TFCP2: variants seen among roughly 807,000 people sequenced by gnomAD.
The protein encoded by TFCP2 is transcription factor CP2.
Under a neutral mutation model 73.4 loss-of-function variants are expected in TFCP2, and 33 were observed. The observed-to-expected ratio is 0.45, with a 90% CI of 0.34 to 0.60. The LOEUF (loss-of-function observed/expected upper bound fraction) is 0.60, where lower values mean the gene tolerates loss of function less well. TFCP2 is among the 20% of genes least tolerant of loss of function. The pLI, the probability that TFCP2 is intolerant of heterozygous loss-of-function variation, is 0.01. For synonymous variants in TFCP2, 193 were observed against 211.6 expected (o/e 0.91, Z 0.76); for missense variants, 352 against 604.0 (o/e 0.58, Z 4.37).
chr12:51,120,241 C>T (rs1160739459), intron 1 of TFCP2, among the ~76,000 whole-genome samples: 2 of 144,472 alleles, frequency 1.4e-5, no homozygotes, highest in African/African-American at 2.6e-5. Context: ...CTGGAAAGAA[C>T]CTAAATGTTC....
chr12:51,159,343 T>A (rs1941603613), intron 1 of TFCP2, among the ~76,000 whole-genome samples: 1 of 150,034 alleles, frequency 6.7e-6, no homozygotes, highest in Admixed American at 6.6e-5. Flanking sequence ...TAATTTATTT[T>A]TTATTTTTTT....
chr12:51,162,929 A>C (rs1184902138), intron 1 of TFCP2: 2 of 152,214 alleles, frequency 1.3e-5, no homozygotes, highest in African/African-American at 2.4e-5. Flanking sequence ...CATATACTAA[A>C]GTTGGAATGA....
At chr12:51,135,292 T>C (rs183212577) in intron 1 of TFCP2, among the ~76,000 whole-genome samples, 4 of 152,058 alleles carry the variant, frequency 2.6e-5, no homozygotes, top group African/African-American at 9.6e-5. Flanking sequence ...CCAGGGGTTG[T>C]GGTGGGCACC....
intron 1 of TFCP2, among the ~76,000 whole-genome samples, chr12:51,137,231 C>CT (rs1322173933): frequency 6.6e-6 from 1 of 152,086 alleles, no homozygotes; most frequent in Non-Finnish European, 1.5e-5. Flanking sequence ...GCTGATTTCC[C>CT]TTTTTTTGCC....
At chr12:51,118,555 A>T in intron 2 of TFCP2, 66 bp downstream of exon 2, 1 of 1,571,776 alleles carries the variant, frequency 6.4e-7, no homozygotes, top group Non-Finnish European at 8.6e-7. Context: ...AAAACAAACA[A>T]ACAAACAAAA....
rs530028858 is a variant in TFCP2 at position 51,154,861 on chromosome 12, T to A, written c.122+17440A>T. Among the ~76,000 whole-genome samples, 3 of 152,184 alleles carry A rather than the reference T, an allele frequency of 2.0e-5. No individual in the cohort carries two copies. The South Asian group carries it at 6.2e-4, about 32-fold the overall frequency. ...AACCCCCACAAGTAGAATTACAGGA[T>A]GATATGGTGTGATGATTTTTAGGTG... On this transcript the variant is annotated intron_variant, in intron 1 of 14. Coordinates refer to ENST00000257915, the MANE Select transcript of TFCP2 (RefSeq NM_005653.5).
rs1940824506 is a variant in TFCP2 at position 51,126,574 on chromosome 12, C to G, written c.123-7802G>C. 4.6e-5 allele frequency among the ~76,000 whole-genome samples: 7 copies of G among 152,040 alleles called. No homozygotes were observed. The South Asian group carries it at 1.4e-3, about 31-fold the overall frequency. On this transcript the variant is annotated intron_variant, in intron 1 of 14. Coordinates refer to ENST00000257915, the MANE Select transcript of TFCP2 (RefSeq NM_005653.5). ...TCGAGATGCTCTGTTCTAGAAAGAGCCTAGAAAAGGGAGAAGGAGAGGGTT... is the reference window on the plus strand; with the variant it reads ...TCGAGATGCTCTGTTCTAGAAAGAGGCTAGAAAAGGGAGAAGGAGAGGGTT...
At chr12:51,124,557 C>T in intron 1 of TFCP2, 1 of 462,508 alleles carries the variant, frequency 2.2e-6, no homozygotes, top group Admixed American at 2.5e-5. Context: ...CCCAGTCAGC[C>T]TGCGGAGGTG....
At chr12:51,161,167 C>T (rs1341549976) in intron 1 of TFCP2, among the ~76,000 whole-genome samples, 1 of 152,082 alleles carries the variant, frequency 6.6e-6, no homozygotes, top group African/African-American at 2.4e-5. Flanking sequence ...ACAGAGACTT[C>T]AGTGACCGCA....
At position 51,158,233 on chromosome 12, in the gene TFCP2, G is replaced by A. The variant is rs571683517; in HGVS notation, c.122+14068C>T. ...AGGTCTTGCTATGTTGCCCAGGCCA[G>A]TCTTGAACTCTGACCTCAAGAGAGC... On this transcript the variant is annotated intron_variant, in intron 1 of 14. Coordinates refer to ENST00000257915, the MANE Select transcript of TFCP2 (RefSeq NM_005653.5). Among the ~76,000 whole-genome samples, 11 of 151,746 alleles carry A rather than the reference G, an allele frequency of 7.2e-5. No homozygotes were observed. The South Asian group carries it at 2.3e-3, about 32-fold the overall frequency.
intron 1 of TFCP2, among the ~76,000 whole-genome samples, chr12:51,168,488 GGTTTTT>G (rs1308780022): frequency 6.6e-6 from 1 of 151,952 alleles, no homozygotes; most frequent in Non-Finnish European, 1.5e-5. Context: ...GTTTTGGTTT[GGTTTTT>G]GTTTTTTTGA....
At chr12:51,132,782 T>A (rs1392970792) in intron 1 of TFCP2, among the ~76,000 whole-genome samples, 1 of 151,972 alleles carries the variant, frequency 6.6e-6, no homozygotes, top group African/African-American at 2.4e-5. Context: ...AGTGGCTCAG[T>A]GGAGAGGGGA....
At chr12:51,169,566 AAAAC>A (rs1354056059) in intron 1 of TFCP2, among the ~76,000 whole-genome samples, 1 of 151,956 alleles carries the variant, frequency 6.6e-6, no homozygotes, top group African/African-American at 2.4e-5. Context: ...AAGGATGAAA[AAAAC>A]AAAAAAGCCA....
At chr12:51,122,281 TAG>T (rs1940702044) in intron 1 of TFCP2, among the ~76,000 whole-genome samples, 1 of 129,748 alleles carries the variant, frequency 7.7e-6, no homozygotes, top group South Asian at 2.5e-4. Context: ...TTTTTTGAGA[TAG>T]AGTCTCCCTC....
chr12:51,117,738 TAA>T lies in TFCP2; in HGVS notation c.282_283del (p.Tyr95Ter). The T allele has an allele frequency of 2.5e-6, 4 of 1,610,962 alleles. No homozygotes were observed. Among genetic ancestry groups the T allele is most frequent in the Non-Finnish European group, 3.4e-6 (4 of 1,178,194 alleles). ...CCTATTGTCTAGCATTCGAATTTCA[TAA>T]GACTGTCCTAGAAGAAAAAGTAATT... On this transcript the variant is annotated frameshift_variant, in exon 3 of 15. Coordinates refer to ENST00000257915, the MANE Select transcript of TFCP2 (RefSeq NM_005653.5). LOFTEE classifies it high-confidence loss of function.
At chr12:51,121,250 G>T (rs1190085166) in intron 1 of TFCP2, among the ~76,000 whole-genome samples, 1 of 151,734 alleles carries the variant, frequency 6.6e-6, no homozygotes, top group South Asian at 2.1e-4. Flanking sequence ...GTAAAACCCC[G>T]TCTCCACTAA....
chr12:51,095,562 C>T (rs1939937628), intron 14 of TFCP2, among the ~76,000 whole-genome samples: 1 of 152,044 alleles, frequency 6.6e-6, no homozygotes, highest in Admixed American at 6.6e-5. Flanking sequence ...TGTCTGTAAT[C>T]CCAGCACTTT....
chr12:51,129,564 G>C, intron 1 of TFCP2, among the ~76,000 whole-genome samples: 1 of 151,260 alleles, frequency 6.6e-6, no homozygotes, highest in East Asian at 1.9e-4. Flanking sequence ...GAATAAGTGA[G>C]GTGACCTAAA....
intron 1 of TFCP2, among the ~76,000 whole-genome samples, chr12:51,170,273 C>T (rs1485439271): frequency 1.3e-5 from 2 of 151,970 alleles, no homozygotes; most frequent in Non-Finnish European, 2.9e-5. Context: ...TCAAGTTTCC[C>T]TGAAAATCAC....
Sources: gnomAD v4.1 joint callset for allele counts (sites outside exome capture counted in the v4.1 genomes callset) on GRCh38, gnomAD v4.1.1 for gene constraint, MANE v1.5 for transcripts, NCBI Gene and HGNC (gene_info 2026-07-23, HGNC 2026-07-21) for gene names.